Variants in MIPOL1 observed in about 807,000 individuals in gnomAD.
The protein encoded by MIPOL1 is mirror-image polydactyly 1.
In MIPOL1, 57 loss-of-function variants were observed where a neutral mutation model predicts 60.9. The ratio of observed to expected loss-of-function variants is 0.94; its 90% CI spans 0.76 to 1.17. The LOEUF is 1.17. Ranked by LOEUF, MIPOL1 falls within the 50% of genes most tolerant of loss-of-function variation. The pLI is 0.00. For synonymous variants in MIPOL1, 179 were observed against 168.8 expected (o/e 1.06, Z -0.47); for missense variants, 551 against 511.6 (o/e 1.08, Z -0.74).
intron 6 of MIPOL1, among the ~76,000 whole-genome samples, chr14:37,282,983 A>G (rs754573850): frequency 6.6e-5 from 10 of 152,176 alleles, no homozygotes; most frequent in Admixed American, 2.6e-4. Context: ...AACTGAAACC[A>G]TGGAAAAAGG....
At chr14:37,295,643 G>A (rs961495533) in intron 7 of MIPOL1, among the ~76,000 whole-genome samples, 2 of 151,992 alleles carry the variant, frequency 1.3e-5, no homozygotes, top group African/African-American at 2.4e-5. Context: ...AAAAAGGCAG[G>A]GGTTGCAATC....
At chr14:37,299,134 C>T (rs1367012803) in intron 7 of MIPOL1, among the ~76,000 whole-genome samples, 2 of 152,128 alleles carry the variant, frequency 1.3e-5, no homozygotes, top group Non-Finnish European at 2.9e-5. Flanking sequence ...ATGATGAGTT[C>T]ATGTCCTTTG....
intron 7 of MIPOL1, among the ~76,000 whole-genome samples, chr14:37,299,994 T>C (rs977791768): frequency 5.9e-5 from 9 of 152,050 alleles, no homozygotes; most frequent in Non-Finnish European, 1.3e-4. Flanking sequence ...CTCATGGTTA[T>C]GTTGGGTTTA....
intron 11 of MIPOL1, among the ~76,000 whole-genome samples, chr14:37,481,980 C>T (rs915043924): frequency 2.6e-5 from 4 of 152,018 alleles, no homozygotes; most frequent in Non-Finnish European, 4.4e-5. Flanking sequence ...AACTATAAAA[C>T]TACTAGAAGA....
chr14:37,216,784 C>T (rs1404238273), intron 1 of MIPOL1, among the ~76,000 whole-genome samples: 1 of 151,972 alleles, frequency 6.6e-6, no homozygotes, highest in Non-Finnish European at 1.5e-5. Flanking sequence ...ACAGCCAAAG[C>T]AGTACTAAGA....
chr14:37,359,331 C>T (rs956221667), intron 9 of MIPOL1, among the ~76,000 whole-genome samples: 1 of 152,068 alleles, frequency 6.6e-6, no homozygotes, highest in Non-Finnish European at 1.5e-5. Flanking sequence ...TTTTTTGGTT[C>T]CATATGAACT....
At chr14:37,391,119 G>C (rs2153520004) in intron 10 of MIPOL1, among the ~76,000 whole-genome samples, 1 of 152,052 alleles carries the variant, frequency 6.6e-6, no homozygotes, top group African/African-American at 2.4e-5. Context: ...GAATAACATT[G>C]TTAAAGCTCC....
intron 10 of MIPOL1, 89 bp from the exon 11 acceptor site, chr14:37,422,766 G>T (rs1426084223): frequency 2.1e-5 from 16 of 767,314 alleles, no homozygotes; most frequent in Admixed American, 3.3e-5. Flanking sequence ...TTAACTGTCA[G>T]TAATTTAAGA....
chr14:37,323,772 T>A (rs111645209), intron 9 of MIPOL1, among the ~76,000 whole-genome samples: 1,863 of 152,100 alleles, frequency 0.012, 14 homozygotes, highest in Middle Eastern at 0.031. Flanking sequence ...CTATCAATCA[T>A]CTCTGCCTCA....
At chr14:37,525,338 G>A (rs996581883) in intron 12 of MIPOL1, among the ~76,000 whole-genome samples, 16 of 152,138 alleles carry the variant, frequency 1.1e-4, no homozygotes, top group African/African-American at 2.4e-4. Flanking sequence ...ATCTTTCTCC[G>A]ACTTGGGTGA....
At chr14:37,474,176 A>T (rs1180636122) in intron 11 of MIPOL1, among the ~76,000 whole-genome samples, 1 of 152,194 alleles carries the variant, frequency 6.6e-6, no homozygotes, top group African/African-American at 2.4e-5. Context: ...ATTGAAAGAC[A>T]TCTTGGTTGT....
At chr14:37,275,615 T>C (rs1308948246) in intron 6 of MIPOL1, among the ~76,000 whole-genome samples, 2 of 151,266 alleles carry the variant, frequency 1.3e-5, no homozygotes, top group South Asian at 4.1e-4. Flanking sequence ...CTTTAATTTT[T>C]GTTATTCTAT....
intron 11 of MIPOL1, among the ~76,000 whole-genome samples, chr14:37,461,710 A>G (rs903794193): frequency 7.9e-5 from 12 of 152,212 alleles, no homozygotes; most frequent in African/African-American, 2.9e-4. Flanking sequence ...CAAAGGGGCT[A>G]TAGGACCCAT....
At chr14:37,543,477 A>G (rs961069025) in intron 12 of MIPOL1, among the ~76,000 whole-genome samples, 1 of 151,996 alleles carries the variant, frequency 6.6e-6, no homozygotes, top group East Asian at 1.9e-4. Context: ...GGGTCTCACC[A>G]TGTTGGCCAG....
intron 11 of MIPOL1, among the ~76,000 whole-genome samples, chr14:37,423,262 C>A (rs35137324): frequency 0.23 from 34,021 of 149,866 alleles, 4,390 homozygotes; most frequent in South Asian, 0.36. Flanking sequence ...CTAAAACAAT[C>A]GTAAATATAA....
intron 1 of MIPOL1, among the ~76,000 whole-genome samples, chr14:37,213,848 T>C (rs1967114655): frequency 6.6e-6 from 1 of 152,132 alleles, no homozygotes; most frequent in East Asian, 1.9e-4. Flanking sequence ...TAACATACAA[T>C]GGTGCTTCGT....
At chr14:37,386,051 G>C (rs574876276) in intron 10 of MIPOL1, among the ~76,000 whole-genome samples, 3 of 151,958 alleles carry the variant, frequency 2.0e-5, no homozygotes, top group African/African-American at 7.2e-5. Context: ...TTCTTTAGTG[G>C]TTTGGAAATA....
At chr14:37,244,426 C>CT (rs1972864362) in intron 1 of MIPOL1, among the ~76,000 whole-genome samples, 1 of 151,888 alleles carries the variant, frequency 6.6e-6, no homozygotes, top group African/African-American at 2.4e-5. Context: ...CCGCCACTTC[C>CT]TTTTTTATAT....
intron 1 of MIPOL1, among the ~76,000 whole-genome samples, chr14:37,232,722 T>C (rs1407204703): frequency 6.6e-6 from 1 of 152,224 alleles, no homozygotes; most frequent in Non-Finnish European, 1.5e-5. Context: ...ATTCACTTTT[T>C]TTCCTCAATT....
Sources: allele counts gnomAD v4.1 joint callset (sites outside exome capture counted in the v4.1 genomes callset), GRCh38; gene constraint gnomAD v4.1.1; transcripts MANE v1.5; gene names NCBI Gene and HGNC (gene_info 2026-07-23, HGNC 2026-07-21).